Variants in CRYBG1 observed in about 807,000 individuals in gnomAD.
CRYBG1 encodes crystallin beta-gamma domain containing 1.
Under a neutral mutation model 189.2 loss-of-function variants are expected in CRYBG1, and 139 were observed. The ratio of observed to expected loss-of-function variants is 0.73; its 90% CI spans 0.64 to 0.85. CRYBG1 has a LOEUF of 0.85. CRYBG1 is among the 40% of genes least tolerant of loss of function. CRYBG1 has a pLI of 0.00. For synonymous variants in CRYBG1, 1,023 were observed against 1,017.1 expected (o/e 1.01, Z -0.11); for missense variants, 2,611 against 2,675.8 (o/e 0.98, Z 0.53).
At chr6:106,483,378 G>GTGTGTGTGTGTGTATATATATA (rs1347885031) in intron 2 of CRYBG1, among the ~76,000 whole-genome samples, 1 of 113,694 alleles carries the variant, frequency 8.8e-6, no homozygotes, top group African/African-American at 2.7e-5. Flanking sequence ...GTGTGTGTGT[G>GTGTGTGTGTGTGTATATATATA]TATATATATA....
chr6:106,565,592 T>A (rs1314790841), intron 21 of CRYBG1, among the ~76,000 whole-genome samples: 4 of 152,092 alleles, frequency 2.6e-5, no homozygotes, highest in Admixed American at 2.6e-4. Flanking sequence ...AGGGGGCACT[T>A]AGGGAACACA....
chr6:106,509,339 C>G (rs1198732781), intron 2 of CRYBG1, among the ~76,000 whole-genome samples: 2 of 152,230 alleles, frequency 1.3e-5, no homozygotes, highest in Non-Finnish European at 2.9e-5. Context: ...ATACCTTTGA[C>G]TTGTAAAATA....
In CRYBG1 at chr6:106,520,931, A is replaced by G; in HGVS notation, c.3723A>G (p.Ala1241=). 6.2e-7 allele frequency: 1 copy of G among 1,614,108 alleles called. No individual in the cohort carries two copies. The highest frequency in any genetic ancestry group is 8.5e-7 in the Non-Finnish European group (1 of 1,180,020). Reference sequence around the variant, plus strand: ...AGAGATCGAGACTAGAAAAAAGTGCACTTTTCTCAAGCTTGTTATCTTCTT... The same window carrying G: ...AGAGATCGAGACTAGAAAAAAGTGCGCTTTTCTCAAGCTTGTTATCTTCTT... ...GIKRSRLEKS[A]LFSSLLSSLP... is the part of the protein sequence containing the mutation. The change falls in exon 4 of 22, where the codon GCA becomes GCG. Residue 1241 remains alanine, a synonymous_variant. Transcript: ENST00000633556.
intron 20 of CRYBG1, among the ~76,000 whole-genome samples, chr6:106,562,726 A>T (rs1774760528): frequency 1.3e-5 from 2 of 152,234 alleles, no homozygotes. Flanking sequence ...TGACCTCGTG[A>T]TCCACCTGCC....
chr6:106,505,947 T>C (rs563248458), intron 2 of CRYBG1, among the ~76,000 whole-genome samples: 1 of 152,298 alleles, frequency 6.6e-6, no homozygotes, highest in Admixed American at 6.5e-5. Context: ...AAAAAGTTAC[T>C]TTTGTACATT....
chr6:106,486,759 C>T (rs1392119956), intron 2 of CRYBG1, among the ~76,000 whole-genome samples: 1 of 152,004 alleles, frequency 6.6e-6, no homozygotes, highest in Non-Finnish European at 1.5e-5. Flanking sequence ...CTTTTGGTTT[C>T]CATTTGCATG....
chr6:106,540,690 CTT>C (rs755066552), intron 9 of CRYBG1, among the ~76,000 whole-genome samples: 2 of 141,922 alleles, frequency 1.4e-5, no homozygotes. Flanking sequence ...TTCCTTTTTC[CTT>C]TTTTTTTTTG....
At chr6:106,428,453 A>G (rs1384440680) in intron 1 of CRYBG1, among the ~76,000 whole-genome samples, 1 of 152,120 alleles carries the variant, frequency 6.6e-6, no homozygotes, top group African/African-American at 2.4e-5. Context: ...CGTTGAAGGC[A>G]GTATACTCAT....
chr6:106,486,895 C>T (rs1303840139), intron 2 of CRYBG1, among the ~76,000 whole-genome samples: 1 of 152,076 alleles, frequency 6.6e-6, no homozygotes, highest in Non-Finnish European at 1.5e-5. Context: ...AGAATTTAAT[C>T]CATTTACATT....
At chr6:106,533,087 G>A (rs1773912231) in intron 8 of CRYBG1, among the ~76,000 whole-genome samples, 1 of 152,176 alleles carries the variant, frequency 6.6e-6, no homozygotes, top group Non-Finnish European at 1.5e-5. Context: ...AGATGGCAAA[G>A]GCTACAAGAA....
intron 8 of CRYBG1, among the ~76,000 whole-genome samples, chr6:106,531,026 A>G (rs1373276740): frequency 1.3e-5 from 2 of 152,210 alleles, no homozygotes; most frequent in African/African-American, 2.4e-5. Flanking sequence ...TAATGTATAT[A>G]ATTTATAAAT....
At chr6:106,454,176 C>G (rs963644399) in intron 2 of CRYBG1, among the ~76,000 whole-genome samples, 1 of 152,168 alleles carries the variant, frequency 6.6e-6, no homozygotes, top group Non-Finnish European at 1.5e-5. Context: ...TTCACCCTTG[C>G]TCTCTTAGGC....
intron 1 of CRYBG1, among the ~76,000 whole-genome samples, chr6:106,370,890 T>C (rs1435378138): frequency 6.6e-6 from 1 of 152,184 alleles, no homozygotes; most frequent in African/African-American, 2.4e-5. Context: ...ACGATGAGAC[T>C]GTCTGATCCC....
At chr6:106,504,565 G>A (rs1773087869) in intron 2 of CRYBG1, among the ~76,000 whole-genome samples, 1 of 152,016 alleles carries the variant, frequency 6.6e-6, no homozygotes, top group African/African-American at 2.4e-5. Flanking sequence ...TATTTTAAAA[G>A]TTAAAATGAA....
intron 1 of CRYBG1, among the ~76,000 whole-genome samples, chr6:106,431,948 G>A (rs1205740293): frequency 5.3e-5 from 8 of 152,050 alleles, no homozygotes; most frequent in African/African-American, 9.7e-5. Context: ...TGACATGGAG[G>A]GGTTTCTTTA....
rs1006967543 is a variant in CRYBG1 at position 106,527,234 on chromosome 6, C to G, written c.4413-71C>G. 1.2e-5 allele frequency: 16 copies of G among 1,344,554 alleles called. No individual in the cohort carries two copies. The East Asian group carries it at 3.8e-4, about 32-fold the overall frequency. 83.3% of individuals were successfully genotyped at this position (1,344,554 alleles called of 1,614,324 possible). On this transcript the variant is annotated intron_variant, in intron 6 of 21. Coordinates refer to ENST00000633556, the MANE Select transcript of CRYBG1 (RefSeq NM_001371242.2). The stretch of plus-strand genomic sequence containing the variant: ...TATATATATATAAAATGGCAATTAG[C>G]CAGGTTATTTGAGTAATCAAAACCT...
chr6:106,465,353 A>G (rs1398607781), intron 2 of CRYBG1, among the ~76,000 whole-genome samples: 1 of 152,216 alleles, frequency 6.6e-6, no homozygotes, highest in Non-Finnish European at 1.5e-5. Context: ...TCTTAGGTTA[A>G]GTCATTCATC....
rs12210996 is a variant in CRYBG1, at chr6:106,524,252, G to A, written c.4246-881G>A. ...ATTAGTTTTGGAGCCATATTGAAATGTATTTTGTCTATCAAAAAAGCGGGA... is the reference window on the plus strand; with the variant it reads ...ATTAGTTTTGGAGCCATATTGAAATATATTTTGTCTATCAAAAAAGCGGGA... On this transcript the variant is annotated intron_variant, in intron 4 of 21. Transcript: ENST00000633556. Among the ~76,000 whole-genome samples, 1,475 of 152,172 alleles carry A rather than the reference G, an allele frequency of 9.7e-3. 12 individuals carry two copies. Among genetic ancestry groups the A allele is most frequent in the Non-Finnish European group, 0.016 (1,085 of 67,984 alleles).
At chr6:106,416,017 C>T (rs527602441) in intron 1 of CRYBG1, among the ~76,000 whole-genome samples, 1 of 152,314 alleles carries the variant, frequency 6.6e-6, no homozygotes, top group East Asian at 1.9e-4. Flanking sequence ...AGCCTGCCAG[C>T]TTTGCGGTGC....
Sources: gnomAD v4.1 joint callset for allele counts (sites outside exome capture counted in the v4.1 genomes callset) on GRCh38, gnomAD v4.1.1 for gene constraint, MANE v1.5 for transcripts, NCBI Gene and HGNC (gene_info 2026-07-23, HGNC 2026-07-21) for gene names.